The following NALCN variants were observed in gnomAD, a reference collection of about 807,000 sequenced individuals.
The protein encoded by NALCN is sodium leak channel NALCN.
Under a neutral mutation model 225.3 loss-of-function variants are expected in NALCN, and 111 were observed. The observed-to-expected ratio is 0.49, with a 90% CI of 0.42 to 0.58. NALCN has a LOEUF of 0.58. Ranked by LOEUF, NALCN falls within the 20% of genes least tolerant of loss-of-function variation. NALCN has a pLI of 0.00. For missense variants in NALCN, 1,378 were observed against 2,202.4 expected (o/e 0.63, Z 7.49); for synonymous variants, 764 against 769.0 (o/e 0.99, Z 0.11).
At position 101,089,736 on chromosome 13, in the gene NALCN, A is replaced by G; in HGVS notation, c.3416T>C (p.Phe1139Ser). 6.2e-7 allele frequency: 1 copy of G among 1,614,104 alleles called. No homozygotes were observed. Among genetic ancestry groups the G allele is most frequent in the Non-Finnish European group, 8.5e-7 (1 of 1,179,932 alleles). The change falls in exon 30 of 44, where the codon TTT (phenylalanine) becomes TCT (serine). Residue 1139 changes from phenylalanine to serine, a missense_variant. This residue lies in a region of NALCN where 292 missense variants were observed against 409.5 expected (regional missense o/e 0.71). Coordinates refer to ENST00000251127, the MANE Select transcript of NALCN (RefSeq NM_052867.4). This position sits in a 1 kb window ranked among gnomAD's most constrained non-coding sequence, Gnocchi z 4.7. ...TCCAATCATGCAACCCAGGAATACA[A>G]AAACATGAATATAGATTCCATGGAT... ...GPIHGIYIHV[F>S]VFLGCMIGLT...
At chr13:101,101,322 C>A (rs2034809945) in intron 26 of NALCN, among the ~76,000 whole-genome samples, 1 of 146,200 alleles carries the variant, frequency 6.8e-6, no homozygotes, top group Non-Finnish European at 1.5e-5. Context: ...ACTCTGTCCC[C>A]CAGGGTGGAG....
At chr13:101,303,983 T>G (rs1379902532) in intron 7 of NALCN, among the ~76,000 whole-genome samples, 2 of 152,200 alleles carry the variant, frequency 1.3e-5, no homozygotes, top group African/African-American at 2.4e-5. Context: ...ATTTAAAACT[T>G]TAATAGTATT....
chr13:101,160,332 C>T (rs1162892005), intron 15 of NALCN, among the ~76,000 whole-genome samples: 1 of 152,118 alleles, frequency 6.6e-6, no homozygotes, highest in Non-Finnish European at 1.5e-5. Context: ...GTCTGTGTCT[C>T]TTGCCTTTTA....
intron 18 of NALCN, among the ~76,000 whole-genome samples, chr13:101,114,852 C>A (rs1227709893): frequency 6.6e-6 from 1 of 152,198 alleles, no homozygotes; most frequent in Non-Finnish European, 1.5e-5. Context: ...CGTTTAGTGT[C>A]CCTCTAACCT....
chr13:101,291,709 G>A (rs2043558378), intron 9 of NALCN, among the ~76,000 whole-genome samples: 1 of 151,950 alleles, frequency 6.6e-6, no homozygotes, highest in Non-Finnish European at 1.5e-5. Context: ...CACTACTCTT[G>A]GCTAATTTTT....
At chr13:101,080,600 A>T (rs675843) in intron 34 of NALCN, among the ~76,000 whole-genome samples, 57,138 of 127,504 alleles carry the variant, frequency 0.45, 13,066 homozygotes, top group African/African-American at 0.65. Flanking sequence ...TAATTATTAA[A>T]TTAATTATAT....
intron 10 of NALCN, among the ~76,000 whole-genome samples, chr13:101,279,838 A>AG: frequency 1.2e-5 from 1 of 85,478 alleles, no homozygotes; most frequent in Non-Finnish European, 3.0e-5. Flanking sequence ...AAATAAATAA[A>AG]ATAAATAAAT....
intron 17 of NALCN, among the ~76,000 whole-genome samples, chr13:101,128,610 T>C (rs1351243552): frequency 6.6e-6 from 1 of 152,062 alleles, no homozygotes; most frequent in South Asian, 2.1e-4. Flanking sequence ...CTGGAGTGCA[T>C]GCAGTGGAAT....
At chr13:101,249,564 T>C (rs2042001075) in intron 11 of NALCN, among the ~76,000 whole-genome samples, 1 of 152,196 alleles carries the variant, frequency 6.6e-6, no homozygotes, top group Non-Finnish European at 1.5e-5. Context: ...AGTAATGCTA[T>C]AAAATCAAGT....
intron 7 of NALCN, among the ~76,000 whole-genome samples, chr13:101,307,814 G>C (rs2044203456): frequency 1.3e-5 from 2 of 152,162 alleles, no homozygotes; most frequent in Non-Finnish European, 2.9e-5. Flanking sequence ...TGTCCAACAA[G>C]AGTAGGTAAA....
Position 101,055,591 on chromosome 13 carries a change from C to T in NALCN, c.5024-103G>A, listed in dbSNP as rs569079033. ...TCCCATCAGTGATACTTTTGGCTAACGTGTCCTAGCCACAGATGCTAAGTA... is the reference window on the plus strand; with the variant it reads ...TCCCATCAGTGATACTTTTGGCTAATGTGTCCTAGCCACAGATGCTAAGTA... On this transcript the variant is annotated intron_variant, in intron 43 of 43. Transcript: ENST00000251127. The T allele has an allele frequency of 6.5e-5, 60 of 927,894 alleles. No homozygotes were observed. In the African/African-American group the frequency reaches 9.1e-4, roughly 14 times the overall value. The allele number at this position is 927,894 out of a possible 1,614,324, so 57.5% of individuals were successfully genotyped here. A position where few individuals can be genotyped will look rare whatever the true frequency, so the allele number is the denominator to read the frequency against.
At chr13:101,233,469 T>C (rs894583948) in intron 12 of NALCN, among the ~76,000 whole-genome samples, 1 of 151,742 alleles carries the variant, frequency 6.6e-6, no homozygotes, top group African/African-American at 2.4e-5. Flanking sequence ...GCCTCCCAAG[T>C]AGCTGGGACT....
rs551808104 is a variant in NALCN, at chr13:101,290,991, C to T, written c.1047+999G>A. 5.6e-4 allele frequency among the ~76,000 whole-genome samples: 85 copies of T among 152,176 alleles called. 1 individual carries two copies. Among genetic ancestry groups the T allele is most frequent in the African/African-American group, 2.0e-3 (81 of 41,512 alleles). On this transcript the variant is annotated intron_variant, in intron 9 of 43. Transcript: ENST00000251127. ...TTTTTTAACACCACAAAAACACACACGTGAAACAAAACCAAAAATAAAAAC... is the reference window on the plus strand; with the variant it reads ...TTTTTTAACACCACAAAAACACACATGTGAAACAAAACCAAAAATAAAAAC...
Position 101,110,702 on chromosome 13 carries a change from A to T in NALCN, c.2295-14T>A, listed in dbSNP as rs1353738139. The T allele has an allele frequency of 6.2e-7, 1 of 1,613,728 alleles. No homozygotes were observed. The highest frequency in any genetic ancestry group is 1.1e-5 in the South Asian group (1 of 91,078). ...TGTCTTAGTGACCTAAAACAACCAC[A>T]GGCACTGGTTAATACATCTCAAGAT... On this transcript the variant is annotated splice_polypyrimidine_tract_variant and intron_variant, in intron 19 of 43. Transcript: ENST00000251127.
At chr13:101,400,593 G>A (rs1256434210) in intron 1 of NALCN, among the ~76,000 whole-genome samples, 13 of 150,530 alleles carry the variant, frequency 8.6e-5, no homozygotes, top group African/African-American at 1.7e-4. Context: ...ACGTGTGTGC[G>A]CGCGCACACA....
intron 17 of NALCN, among the ~76,000 whole-genome samples, chr13:101,126,973 C>T (rs867513402): frequency 4.6e-5 from 7 of 152,228 alleles, no homozygotes; most frequent in Middle Eastern, 6.8e-3. Flanking sequence ...GCACAGAGGT[C>T]CTGTGACAGT....
intron 6 of NALCN, among the ~76,000 whole-genome samples, chr13:101,370,711 T>C (rs1431963680): frequency 6.6e-6 from 1 of 152,148 alleles, no homozygotes; most frequent in Non-Finnish European, 1.5e-5. Context: ...TGCTTAACCA[T>C]ATGAAAAATT....
At chr13:101,295,756 G>A (rs2043728702) in intron 7 of NALCN, among the ~76,000 whole-genome samples, 2 of 152,304 alleles carry the variant, frequency 1.3e-5, no homozygotes, top group East Asian at 3.9e-4. Context: ...ACTACACTGG[G>A]TAGAAAGGCT....
At chr13:101,195,537 C>A (rs2039854507) in intron 13 of NALCN, among the ~76,000 whole-genome samples, 1 of 152,164 alleles carries the variant, frequency 6.6e-6, no homozygotes, top group Admixed American at 6.5e-5. Flanking sequence ...CATGTTGAAC[C>A]TGAATTGGCT....
Sources: allele counts gnomAD v4.1 joint callset (sites outside exome capture counted in the v4.1 genomes callset), GRCh38; gene constraint gnomAD v4.1.1; regional missense constraint gnomAD v4.1.1; non-coding constraint Gnocchi (gnomAD v3.1); transcripts MANE v1.5; gene names NCBI Gene and HGNC (gene_info 2026-07-23, HGNC 2026-07-21).